Variants in ALKBH3 observed in about 807,000 individuals in gnomAD.
The protein encoded by ALKBH3 is alkB homolog 3, alpha-ketoglutarate dependent dioxygenase, also known as alpha-ketoglutarate-dependent dioxygenase alkB homolog 3.
ALKBH3 carries 51 observed loss-of-function variants against 43.9 expected under a neutral mutation model. The ratio of observed to expected loss-of-function variants is 1.16; its 90% confidence interval spans 0.93 to 1.47. ALKBH3 has a LOEUF of 1.47. Ranked by LOEUF, ALKBH3 falls within the 40% of genes most tolerant of loss-of-function variation. ALKBH3 has a pLI of 0.00. For missense variants in ALKBH3, 361 were observed against 351.9 expected (o/e 1.03, Z -0.21); for synonymous variants, 102 against 115.2 (o/e 0.89, Z 0.73).
chr11:43,902,635 G>A (rs978959640), intron 8 of ALKBH3, among the ~76,000 whole-genome samples: 1 of 152,270 alleles, frequency 6.6e-6, no homozygotes, highest in Middle Eastern at 3.4e-3. Context: ...TCACTCTGTC[G>A]CCCAGGCTGG....
chr11:43,916,774 T>TGCATCTTGCTTCAGTTGAAGG (rs1346160015), intron 8 of ALKBH3: 3 of 152,212 alleles, frequency 2.0e-5, no homozygotes, highest in Admixed American at 6.5e-5. Context: ...ACAGTCTCCA[T>TGCATCTTGCTTCAGTTGAAGG]GCATCTTGCT....
chr11:43,907,960 G>T (rs955074686), intron 8 of ALKBH3, among the ~76,000 whole-genome samples: 3 of 152,214 alleles, frequency 2.0e-5, no homozygotes, highest in African/African-American at 7.2e-5. Flanking sequence ...TTAGGACATT[G>T]TTAGATTTTG....
chr11:43,894,920 TC>T (rs1418990852), intron 7 of ALKBH3, among the ~76,000 whole-genome samples: 1 of 152,200 alleles, frequency 6.6e-6, no homozygotes, highest in Non-Finnish European at 1.5e-5. Flanking sequence ...TAAAGAAACT[TC>T]CAACTTCTGG....
chr11:43,883,016 C>A, intron 2 of ALKBH3, 69 bp from the exon 3 acceptor site: 2 of 1,294,738 alleles, frequency 1.5e-6, no homozygotes, highest in African/African-American at 1.5e-5. Context: ...CTTTATTGGC[C>A]CTTGCTCAGT....
At chr11:43,913,442 A>G (rs1951957516) in intron 8 of ALKBH3, among the ~76,000 whole-genome samples, 1 of 152,228 alleles carries the variant, frequency 6.6e-6, no homozygotes, top group Non-Finnish European at 1.5e-5. Context: ...AGATTTATTC[A>G]GATTACTATC....
rs375859361 is a variant in ALKBH3 at position 43,892,012 on chromosome 11, A to G, written c.371-29A>G. On this transcript the variant is annotated intron_variant, in intron 6 of 9. Transcript: ENST00000302708. Reference sequence around the variant, plus strand: ...GTAACACCTTAAATAGCATTAAACCATTTCAAAGGCCTGTATTTTCTTTCT... The same window carrying G: ...GTAACACCTTAAATAGCATTAAACCGTTTCAAAGGCCTGTATTTTCTTTCT... 7 of 1,556,034 alleles carry G rather than the reference A, an allele frequency of 4.5e-6. No individual in the cohort carries two copies. The African/African-American group carries it at 9.5e-5, about 21-fold the overall frequency.
At position 43,889,829 on chromosome 11, in the gene ALKBH3, G is replaced by T; in HGVS notation, c.370+1G>T. 6.2e-7 allele frequency: 1 copy of T among 1,609,176 alleles called. No homozygotes were observed. Among genetic ancestry groups the T allele is most frequent in the East Asian group, 2.2e-5 (1 of 44,858 alleles). ...AAACAGAGGACTGGCATCAGAGAGG[G>T]TAAGTAGATCCCAGAGGTCACAGTT... On this transcript the variant is annotated splice_donor_variant, in intron 6 of 9. Coordinates refer to ENST00000302708, the MANE Select transcript of ALKBH3 (RefSeq NM_139178.4). LOFTEE classifies it high-confidence loss of function.
intron 7 of ALKBH3, chr11:43,899,177 C>G: frequency 1.3e-6 from 1 of 776,340 alleles, no homozygotes; most frequent in South Asian, 1.3e-5. Flanking sequence ...CCCCACCTCT[C>G]CAGGTGGGAA....
intron 6 of ALKBH3, among the ~76,000 whole-genome samples, chr11:43,890,279 TCTC>T (rs1266456209): frequency 6.6e-6 from 1 of 152,174 alleles, no homozygotes; most frequent in African/African-American, 2.4e-5. Context: ...AAGAGTCCAG[TCTC>T]CTCTAGCTTC....
intron 1 of ALKBH3, 78 bp downstream of exon 1, chr11:43,881,257 GT>G (rs1262149280): frequency 6.6e-6 from 1 of 152,330 alleles, no homozygotes; most frequent in Non-Finnish European, 1.5e-5. Context: ...TGGCGCCAGA[GT>G]CCTTGTATTT....
chr11:43,884,209 T>G (rs1951732619), intron 4 of ALKBH3, among the ~76,000 whole-genome samples, 192 bp downstream of exon 4: 1 of 152,222 alleles, frequency 6.6e-6, no homozygotes, highest in Non-Finnish European at 1.5e-5. Context: ...CTGATAGTAT[T>G]GAAAATGCAA....
intron 7 of ALKBH3, 103 bp downstream of exon 7, chr11:43,892,232 C>G: frequency 2.0e-6 from 2 of 1,023,888 alleles, no homozygotes; most frequent in Non-Finnish European, 2.8e-6. Context: ...CATGCTGGTT[C>G]CTAGTTCAAA....
intron 1 of ALKBH3, among the ~76,000 whole-genome samples, chr11:43,881,753 A>T (rs1951712747): frequency 6.6e-6 from 1 of 152,214 alleles, no homozygotes; most frequent in South Asian, 2.1e-4. Context: ...ATTAATATAA[A>T]ACGAGCTTTT....
Position 43,920,074 on chromosome 11 carries a change from C to A in ALKBH3, c.*64C>A. The stretch of plus-strand genomic sequence containing the variant: ...CAAACCTTCCACTGAGAAGCCACTT[C>A]AAGAGGCTGGTGCTGCTAGATCTCA... On this transcript the variant is annotated 3_prime_UTR_variant, in exon 10 of 10. Coordinates refer to ENST00000302708, the MANE Select transcript of ALKBH3 (RefSeq NM_139178.4). 2 of 1,447,764 alleles carry A rather than the reference C, an allele frequency of 1.4e-6. No homozygotes were observed. Among genetic ancestry groups the A allele is most frequent in the South Asian group, 1.2e-5 (1 of 86,770 alleles). 89.7% of individuals were successfully genotyped at this position (1,447,764 alleles called of 1,614,324 possible).
intron 5 of ALKBH3, among the ~76,000 whole-genome samples, chr11:43,887,728 T>C (rs2135178632): frequency 6.6e-6 from 1 of 152,366 alleles, no homozygotes; most frequent in East Asian, 1.9e-4. Flanking sequence ...TATTACATAT[T>C]GTAGATTATT....
At chr11:43,914,362 A>G (rs893026441) in intron 8 of ALKBH3, among the ~76,000 whole-genome samples, 1 of 152,222 alleles carries the variant, frequency 6.6e-6, no homozygotes, top group African/African-American at 2.4e-5. Context: ...AGGATTAGCA[A>G]TAACGGATAT....
rs34176841 is a variant in ALKBH3 at position 43,918,030 on chromosome 11, T to C, written c.670-1008T>C. 4.6e-3 allele frequency among the ~76,000 whole-genome samples: 703 copies of C among 152,258 alleles called. 4 individuals are homozygous for C. Among genetic ancestry groups the C allele is most frequent in the Non-Finnish European group, 7.3e-3 (498 of 68,010 alleles). Reference sequence around the variant, plus strand: ...ATACAGTAATAAACATAAACACAGTTTGCACTGAAATCAATCCTGCAGTAA... The same window carrying C: ...ATACAGTAATAAACATAAACACAGTCTGCACTGAAATCAATCCTGCAGTAA... On this transcript the variant is annotated intron_variant, in intron 8 of 9. Coordinates refer to ENST00000302708, the MANE Select transcript of ALKBH3 (RefSeq NM_139178.4).
intron 4 of ALKBH3, among the ~76,000 whole-genome samples, chr11:43,885,260 T>TA (rs1420243285): frequency 1.4e-4 from 22 of 152,264 alleles, no homozygotes; most frequent in African/African-American, 4.3e-4. Flanking sequence ...TGCTAGGTTT[T>TA]AAAAAAATAG....
chr11:43,881,622 G>A (rs1295775807), intron 1 of ALKBH3, among the ~76,000 whole-genome samples: 1 of 152,192 alleles, frequency 6.6e-6, no homozygotes, highest in African/African-American at 2.4e-5. Flanking sequence ...TAAATGAAAT[G>A]AATTACATGC....
Sources: allele counts gnomAD v4.1 joint callset (sites outside exome capture counted in the v4.1 genomes callset), GRCh38; gene constraint gnomAD v4.1.1; transcripts MANE v1.5; gene names NCBI Gene and HGNC (gene_info 2026-07-23, HGNC 2026-07-21).